The following RPS6KA2 variants were observed in gnomAD, a reference collection of about 807,000 sequenced individuals.
RPS6KA2 encodes the protein ribosomal protein S6 kinase alpha-2.
In RPS6KA2, 42 loss-of-function variants were observed where a neutral mutation model predicts 91.8. That is an observed-to-expected ratio of 0.46 (90% CI 0.36 to 0.59). RPS6KA2 has a LOEUF of 0.59. RPS6KA2 is among the 20% of genes least tolerant of loss of function. The pLI is 0.00. For synonymous variants in RPS6KA2, 414 were observed against 393.6 expected (o/e 1.05, Z -0.61); for missense variants, 798 against 978.5 (o/e 0.82, Z 2.46).
intron 1 of RPS6KA2, among the ~76,000 whole-genome samples, chr6:166,544,414 G>A (rs551131248): frequency 2.4e-4 from 36 of 152,258 alleles, no homozygotes; most frequent in African/African-American, 7.2e-4. Flanking sequence ...CTGATAGCTC[G>A]TGGGTCCTCG....
chr6:166,517,455 G>GTTTTTTTTTTTTTTTTTTTTTTTTT (rs71032809), intron 3 of RPS6KA2, among the ~76,000 whole-genome samples: 1 of 104,938 alleles, frequency 9.5e-6, no homozygotes, highest in African/African-American at 4.4e-5. Context: ...CTTTTGTTTT[G>GTTTTTTTTTTTTTTTTTTTTTTTTT]TTTTTTTTTT....
At chr6:166,674,991 T>C (rs774991038) in intron 2 of RPS6KA2, among the ~76,000 whole-genome samples, 3 of 152,226 alleles carry the variant, frequency 2.0e-5, no homozygotes, top group Non-Finnish European at 4.4e-5. Context: ...TTAAACTTCA[T>C]ATTTCTACGA....
intron 2 of RPS6KA2, among the ~76,000 whole-genome samples, chr6:166,764,813 G>A (rs1361501923): frequency 1.4e-5 from 2 of 147,424 alleles, no homozygotes; most frequent in Non-Finnish European, 3.1e-5. Flanking sequence ...GCGTAAACAC[G>A]TGCTACAGTC....
chr6:166,684,120 T>A (rs1392060393), intron 2 of RPS6KA2, among the ~76,000 whole-genome samples: 1 of 151,930 alleles, frequency 6.6e-6, no homozygotes, highest in Middle Eastern at 3.2e-3. Flanking sequence ...CCCAGTGAGG[T>A]AGGAGACGGG....
chr6:166,855,980 A>C (rs557764976), intron 2 of RPS6KA2, among the ~76,000 whole-genome samples: 1 of 152,346 alleles, frequency 6.6e-6, no homozygotes, highest in Non-Finnish European at 1.5e-5. Flanking sequence ...ACAACTTTTA[A>C]AGAGGTTGGT....
At position 166,511,994 on chromosome 6, in the gene RPS6KA2, C is replaced by G. The variant is rs944083275; in HGVS notation, c.299-1637G>C. ...ATGGATTTGAACGGGTTCATCCACC[C>G]ATGTTCATGGCAGCATTATTTACAA... On this transcript the variant is annotated intron_variant, in intron 3 of 20. Transcript: ENST00000265678. Among the ~76,000 whole-genome samples, 4 of 152,138 alleles carry G rather than the reference C, an allele frequency of 2.6e-5. No individual in the cohort carries two copies. The East Asian group carries it at 7.7e-4, about 29-fold the overall frequency.
At chr6:166,830,350 G>C (rs1780156118) in intron 2 of RPS6KA2, among the ~76,000 whole-genome samples, 1 of 152,126 alleles carries the variant, frequency 6.6e-6, no homozygotes, top group Non-Finnish European at 1.5e-5. Context: ...AAGTGGCTGA[G>C]GGAAGTGGAG....
At chr6:166,576,679 A>T (rs929059401) in intron 1 of RPS6KA2, among the ~76,000 whole-genome samples, 2 of 152,216 alleles carry the variant, frequency 1.3e-5, no homozygotes, top group African/African-American at 4.8e-5. Flanking sequence ...TGTTGAAGGC[A>T]TTCAGTTTTA....
intron 2 of RPS6KA2, among the ~76,000 whole-genome samples, chr6:166,650,446 G>T (rs1787816074): frequency 6.6e-6 from 1 of 151,900 alleles, no homozygotes. Context: ...GGCTGGAGGT[G>T]GGAGGGAGGG....
intron 1 of RPS6KA2, among the ~76,000 whole-genome samples, chr6:166,579,316 G>T (rs1033946510): frequency 2.6e-5 from 4 of 152,232 alleles, no homozygotes; most frequent in African/African-American, 7.2e-5. Context: ...CAACAGGTGC[G>T]ACCTGCATTC....
intron 5 of RPS6KA2, among the ~76,000 whole-genome samples, chr6:166,507,083 C>T (rs1432911457): frequency 6.6e-6 from 1 of 151,950 alleles, no homozygotes; most frequent in Non-Finnish European, 1.5e-5. Flanking sequence ...AGGTGGCGTG[C>T]GAAGACCACA....
chr6:166,680,431 C>T (rs1021559367), intron 2 of RPS6KA2, among the ~76,000 whole-genome samples: 2 of 152,186 alleles, frequency 1.3e-5, no homozygotes, highest in Non-Finnish European at 2.9e-5. Context: ...AGCCAGGAGA[C>T]CTACCTGCTC....
rs1240578876 is a variant in RPS6KA2, at chr6:166,732,258, TC to T, written c.123+125941del. Among the ~76,000 whole-genome samples the T allele has an allele frequency of 6.6e-6, 1 of 152,158 alleles. No homozygotes were observed. The highest frequency in any genetic ancestry group is 1.5e-5 in the Non-Finnish European group (1 of 68,014). On this transcript the variant is annotated intron_variant, in intron 2 of 21. Transcript: ENST00000503859. The surrounding 1 kb of genome is among the most constrained non-coding windows in gnomAD (Gnocchi z 4.0). ...CCGCACTTCTGTATAGCTTCATGAT[TC>T]CCCCAAAATAGACTGATAAAAATAC...
At chr6:166,679,200 T>C (rs1788709160) in intron 2 of RPS6KA2, among the ~76,000 whole-genome samples, 1 of 151,840 alleles carries the variant, frequency 6.6e-6, no homozygotes, top group Non-Finnish European at 1.5e-5. Flanking sequence ...ATGCCTATAA[T>C]CCCAGCACTT....
intron 2 of RPS6KA2, among the ~76,000 whole-genome samples, chr6:166,791,691 A>G (rs938803182): frequency 2.0e-4 from 31 of 152,122 alleles, no homozygotes; most frequent in Admixed American, 4.6e-4. Flanking sequence ...CAATCAAACT[A>G]GAACTCAGGA....
rs902708892 is a variant in RPS6KA2 at position 166,603,443 on chromosome 6, G to A, written c.99+23478C>T. Among the ~76,000 whole-genome samples, 31 of 152,192 alleles carry A rather than the reference G, an allele frequency of 2.0e-4. No individual in the cohort carries two copies. Among genetic ancestry groups the A allele is most frequent in the African/African-American group, 7.2e-4 (30 of 41,448 alleles). On this transcript the variant is annotated intron_variant, in intron 1 of 20. Coordinates refer to ENST00000265678, the MANE Select transcript of RPS6KA2 (RefSeq NM_021135.6). The surrounding 1 kb of genome is among the most constrained non-coding windows in gnomAD (Gnocchi z 4.3). ...CCAGTCCAGCATCCACCAGCCACAC[G>A]GGAGATGGTGTGGGATGTGGGATCT...
intron 2 of RPS6KA2, among the ~76,000 whole-genome samples, chr6:166,722,945 G>A (rs753712284): frequency 6.6e-5 from 10 of 152,124 alleles, no homozygotes; most frequent in African/African-American, 9.7e-5. Flanking sequence ...AGACACCACC[G>A]CCTCCAAGGT....
rs144524413 is a variant in RPS6KA2 at position 166,675,367 on chromosome 6, C to G, written c.124-136583G>C. Among the ~76,000 whole-genome samples, 857 of 152,330 alleles carry G rather than the reference C, an allele frequency of 5.6e-3. 9 individuals are homozygous for G. The highest frequency in any genetic ancestry group is 0.02 in the African/African-American group (816 of 41,578). ...TTCTCTCCCTCTCCCCCAGCCCAAC[C>G]TGCCATCTCTCAGCCCTGGTCCTGC... On this transcript the variant is annotated intron_variant, in intron 2 of 21. Coordinates refer to the RPS6KA2 transcript ENST00000503859.
chr6:166,539,598 C>T (rs1294529999), intron 1 of RPS6KA2, among the ~76,000 whole-genome samples: 1 of 152,170 alleles, frequency 6.6e-6, no homozygotes, highest in Non-Finnish European at 1.5e-5. Flanking sequence ...AAGAAGCAGT[C>T]AGGTAAGATT....
Sources: allele counts gnomAD v4.1 joint callset (sites outside exome capture counted in the v4.1 genomes callset), GRCh38; gene constraint gnomAD v4.1.1; non-coding constraint Gnocchi (gnomAD v3.1); transcripts MANE v1.5; gene names NCBI Gene and HGNC (gene_info 2026-07-23, HGNC 2026-07-21).